STAMBP: variants seen among roughly 807,000 people sequenced by gnomAD.
The protein encoded by STAMBP is STAM binding protein.
In STAMBP, 31 loss-of-function variants were observed where a neutral mutation model predicts 50.7. That is an observed-to-expected ratio of 0.61 (90% CI 0.46 to 0.83). STAMBP has a LOEUF of 0.83. Among genes scored for constraint, STAMBP ranks in the 40% least tolerant of loss-of-function variants. The probability of loss-of-function intolerance (pLI) is 0.00; values close to 1 mark genes in which losing one functional copy is unlikely to be tolerated. For synonymous variants in STAMBP, 211 were observed against 192.4 expected (o/e 1.10, Z -0.80); for missense variants, 472 against 518.9 (o/e 0.91, Z 0.88).
chr2:73,841,830 A>G (rs1675425691), intron 2 of STAMBP, among the ~76,000 whole-genome samples: 1 of 152,206 alleles, frequency 6.6e-6, no homozygotes, highest in Admixed American at 6.5e-5. Context: ...CTCCAGTATG[A>G]GTAATGGGGT....
chr2:73,844,981 C>A, intron 3 of STAMBP, 93 bp downstream of exon 3: 3 of 1,540,092 alleles, frequency 1.9e-6, no homozygotes, highest in Non-Finnish European at 1.7e-6. Context: ...CATCTGAGTA[C>A]CAGATCCTGC....
chr2:73,851,788 C>T (rs111703599), intron 7 of STAMBP, among the ~76,000 whole-genome samples: 6,376 of 152,040 alleles, frequency 0.042, 224 homozygotes, highest in African/African-American at 0.078. Context: ...TACAAGCGCC[C>T]GCCACCATGC....
chr2:73,834,384 G>T (rs997642360), intron 2 of STAMBP, among the ~76,000 whole-genome samples: 1 of 148,792 alleles, frequency 6.7e-6, no homozygotes, highest in Non-Finnish European at 1.5e-5. Context: ...TTTATATATT[G>T]TATGTATTAT....
chr2:73,830,953 C>T lies in STAMBP; in HGVS notation c.97C>T (p.Pro33Ser), dbSNP rs1354233771. 1.9e-6 allele frequency: 3 copies of T among 1,614,102 alleles called. No homozygotes were observed. In the African/African-American group the frequency reaches 4.0e-5, roughly 22 times the overall value. ...SAVEVNEDIP[P>S]RRYFRSGVEI... ...GGTAGAGGTGAATGAAGACATTCCA[C>T]CCCGTCGGTACTTCCGCTCTGGAGT... The change falls in exon 2 of 10, where the codon CCC (proline) becomes TCC (serine). Residue 33 changes from proline (P) to serine (S), a missense_variant. Coordinates refer to ENST00000394070, the MANE Select transcript of STAMBP (RefSeq NM_213622.4).
chr2:73,843,846 A>G (rs1412909364), intron 2 of STAMBP, among the ~76,000 whole-genome samples: 1 of 152,268 alleles, frequency 6.6e-6, no homozygotes, highest in Non-Finnish European at 1.5e-5. Context: ...TTTTAGAGCT[A>G]TCAGCAAGCT....
intron 7 of STAMBP, among the ~76,000 whole-genome samples, chr2:73,857,339 C>G (rs894891303): frequency 6.6e-6 from 1 of 152,164 alleles, no homozygotes; most frequent in Non-Finnish European, 1.5e-5. Context: ...CCAGTGGGAT[C>G]AGAGTCCCCG....
rs200550786 is a variant in STAMBP at position 73,838,885 on chromosome 2, T to TTGATTC, written c.204-5913_204-5908dup. 5.7e-3 allele frequency among the ~76,000 whole-genome samples: 871 copies of TTGATTC among 152,342 alleles called. 37 individuals are homozygous for TTGATTC. Among genetic ancestry groups the TTGATTC allele is most frequent in the Admixed American group, 0.049 (750 of 15,300 alleles). Reference sequence around the variant, plus strand: ...TTTTCTTGGAGATACCTTTAAAATCTTGATTCTGATTCTGATTCTGTGAAC... The same window carrying TTGATTC: ...TTTTCTTGGAGATACCTTTAAAATCTTGATTCTGATTCTGATTCTGATTCTGTGAAC... On this transcript the variant is annotated intron_variant, in intron 2 of 9. Transcript: ENST00000394070.
intron 4 of STAMBP, among the ~76,000 whole-genome samples, chr2:73,845,865 C>T (rs1675992042): frequency 6.6e-6 from 1 of 152,238 alleles, no homozygotes; most frequent in South Asian, 2.1e-4. Flanking sequence ...CTCCTGACCT[C>T]AAGTGATCCG....
chr2:73,854,392 TAA>T (rs1677282047), intron 7 of STAMBP, among the ~76,000 whole-genome samples: 1 of 152,206 alleles, frequency 6.6e-6, no homozygotes, highest in South Asian at 2.1e-4. Context: ...TACAAATGAA[TAA>T]AAGAGTTTTA....
intron 2 of STAMBP, 146 bp downstream of exon 2, chr2:73,831,205 G>A (rs557769621): frequency 9.2e-6 from 6 of 655,034 alleles, no homozygotes; most frequent in South Asian, 5.6e-5. Flanking sequence ...TGTCCTTGCC[G>A]TTCAAAGACA....
downstream of STAMBP, among the ~76,000 whole-genome samples, chr2:73,868,653 G>C (rs1679065156): frequency 6.6e-6 from 1 of 152,118 alleles, no homozygotes; most frequent in Non-Finnish European, 1.5e-5. Context: ...GGAGGCTGAG[G>C]TGGGCGGATC....
At chr2:73,840,164 A>G (rs1322439622) in intron 2 of STAMBP, among the ~76,000 whole-genome samples, 1 of 152,176 alleles carries the variant, frequency 6.6e-6, no homozygotes, top group African/African-American at 2.4e-5. Flanking sequence ...GTTCACTGCC[A>G]TATCCCCAAC....
At chr2:73,843,447 T>C (rs1351459500) in intron 2 of STAMBP, among the ~76,000 whole-genome samples, 1 of 147,506 alleles carries the variant, frequency 6.8e-6, no homozygotes, top group Non-Finnish European at 1.5e-5. Context: ...TTAAAAAATA[T>C]AAATAGAGAC....
At chr2:73,858,732 G>T (rs1325860083) in intron 7 of STAMBP, among the ~76,000 whole-genome samples, 1 of 152,190 alleles carries the variant, frequency 6.6e-6, no homozygotes, top group Non-Finnish European at 1.5e-5. Flanking sequence ...TGTTTACAGT[G>T]CTGGAAAGGA....
At chr2:73,872,616 G>A (rs1043865664) in intron 10 of STAMBP, among the ~76,000 whole-genome samples, 1 of 152,214 alleles carries the variant, frequency 6.6e-6, no homozygotes, top group Non-Finnish European at 1.5e-5. Flanking sequence ...GCAGAATCAT[G>A]AGCACCAACT....
In STAMBP at chr2:73,849,535, C is replaced by A. The variant is rs567116042; in HGVS notation, c.867+48C>A. 7.6e-5 allele frequency: 117 copies of A among 1,542,196 alleles called. No homozygotes were observed. In the South Asian group the frequency reaches 1.4e-3, roughly 19 times the overall value. ...ACTCTTCTCTGAACCGAAACTGTTT[C>A]TTCCCCTCTTGGCATCCTGTGACTC... is the stretch of plus-strand genomic sequence containing the variant. On this transcript the variant is annotated intron_variant, in intron 6 of 9. Transcript: ENST00000394070.
chr2:73,865,093 T>C lies in STAMBP; in HGVS notation c.*2834T>C, dbSNP rs1678745081. 1 of 152,198 alleles carries C rather than the reference T, an allele frequency of 6.6e-6. No individual in the cohort carries two copies. Among genetic ancestry groups the C allele is most frequent in the Non-Finnish European group, 1.5e-5 (1 of 68,036 alleles). 9.4% of individuals were successfully genotyped at this position (152,198 alleles called of 1,614,324 possible). On this transcript the variant is annotated 3_prime_UTR_variant, in exon 10 of 10. Transcript: ENST00000394070. ...TCAGCTTTCATTTGGTACCACAGAATTTAAAATTGTAAGTGCCTATCCCTT... is the reference window on the plus strand; with the variant it reads ...TCAGCTTTCATTTGGTACCACAGAACTTAAAATTGTAAGTGCCTATCCCTT...
At chr2:73,867,267 C>CA (rs1224048720), downstream of STAMBP, 1 of 152,192 alleles carries the variant, frequency 6.6e-6, no homozygotes. Flanking sequence ...AATTAACAAT[C>CA]AGCCGGGCAT....
chr2:73,843,269 C>T (rs1210205518), intron 2 of STAMBP, among the ~76,000 whole-genome samples: 2 of 147,908 alleles, frequency 1.4e-5, no homozygotes, highest in African/African-American at 5.0e-5. Context: ...GTGATCAAAG[C>T]TCACTGTAAC....
Sources: gnomAD v4.1 joint callset for allele counts (sites outside exome capture counted in the v4.1 genomes callset) on GRCh38, gnomAD v4.1.1 for gene constraint, MANE v1.5 for transcripts, NCBI Gene and HGNC (gene_info 2026-07-23, HGNC 2026-07-21) for gene names.